The following ARFGEF2 variants were observed in gnomAD, a reference collection of about 807,000 sequenced individuals.
ARFGEF2 encodes the protein ARF guanine nucleotide exchange factor 2.
In ARFGEF2, 74 loss-of-function variants were observed where a neutral mutation model predicts 219.9. That is an observed-to-expected ratio of 0.34 (90% CI 0.28 to 0.41). The LOEUF is 0.41. Among genes scored for constraint, ARFGEF2 ranks in the 10% least tolerant of loss-of-function variants. The probability of loss-of-function intolerance (pLI) is 1.00; values close to 1 mark genes in which losing one functional copy is unlikely to be tolerated. For missense variants in ARFGEF2, 1,743 were observed against 2,218.3 expected (o/e 0.79, Z 4.30); for synonymous variants, 733 against 799.2 (o/e 0.92, Z 1.40).
Position 48,976,059 on chromosome 20 carries a change from C to A in ARFGEF2, c.1818C>A (p.Gly606=). Residue 606 remains glycine, a synonymous_variant, in exon 14 of 39, where the codon GGC becomes GGA. Transcript: ENST00000371917. The stretch of plus-strand genomic sequence containing the variant: ...ATCAGGAAATAGGGGATGGGAAAGG[C>A]CTTGACATGGCAAGACGGTGTAGTG... ...LTDQEIGDGK[G]LDMARRCSVT... The A allele has an allele frequency of 6.2e-7, 1 of 1,612,794 alleles. No individual in the cohort carries two copies. The highest frequency in any genetic ancestry group is 1.1e-5 in the South Asian group (1 of 91,018).
At chr20:48,951,498 T>G (rs779526930) in intron 4 of ARFGEF2, 29 bp downstream of exon 4, 22 of 1,613,936 alleles carry the variant, frequency 1.4e-5, no homozygotes, top group Middle Eastern at 1.6e-4. Context: ...CTGTCTGGTT[T>G]TTAAATTAGA....
At chr20:49,024,782 G>A (rs773460595) in intron 35 of ARFGEF2, among the ~76,000 whole-genome samples, 21 of 152,020 alleles carry the variant, frequency 1.4e-4, no homozygotes, top group Admixed American at 2.0e-4. Context: ...GGCGGATCAC[G>A]AGGTCGAGTC....
chr20:48,942,307 C>T lies in ARFGEF2; in HGVS notation c.276+320C>T, dbSNP rs528782268. ...GGGCACATAAGGCATTTTTATACAG[C>T]CTCTTTTTTATTTTTTCCATTTTGT... On this transcript the variant is annotated intron_variant, in intron 3 of 38. Transcript: ENST00000371917. 2.0e-3 allele frequency among the ~76,000 whole-genome samples: 294 copies of T among 149,234 alleles called. 1 individual carries two copies. The highest frequency in any genetic ancestry group is 3.5e-3 in the Non-Finnish European group (231 of 66,610).
intron 22 of ARFGEF2, 55 bp from the exon 23 acceptor site, chr20:48,995,728 T>C (rs1600641910): frequency 6.8e-7 from 1 of 1,476,286 alleles, no homozygotes; most frequent in East Asian, 2.3e-5. Context: ...GGATGCTTTG[T>C]TCTAAATACT....
intron 35 of ARFGEF2, among the ~76,000 whole-genome samples, chr20:49,024,165 GT>G (rs965408952): frequency 1.3e-5 from 2 of 152,022 alleles, no homozygotes; most frequent in African/African-American, 4.8e-5. Flanking sequence ...TAGAGATGGG[GT>G]TTTGCCATGT....
intron 16 of ARFGEF2, 53 bp downstream of exon 16, chr20:48,985,666 C>G: frequency 4.5e-6 from 7 of 1,571,048 alleles, no homozygotes; most frequent in Non-Finnish European, 6.1e-6. Context: ...TGCCTCAGAA[C>G]GCTAATTCTA....
intron 14 of ARFGEF2, among the ~76,000 whole-genome samples, chr20:48,982,580 C>T (rs1401860662): frequency 6.6e-6 from 1 of 152,176 alleles, no homozygotes; most frequent in Non-Finnish European, 1.5e-5. Flanking sequence ...GCCTTTTGTT[C>T]AGCTATGCCC....
intron 26 of ARFGEF2, among the ~76,000 whole-genome samples, chr20:49,006,219 G>T (rs893179781): frequency 6.6e-6 from 1 of 151,916 alleles, no homozygotes; most frequent in African/African-American, 2.4e-5. Flanking sequence ...GCTTGAACCC[G>T]GGAGGTGGAG....
chr20:48,988,460 T>C (rs774495311), intron 17 of ARFGEF2, 31 bp from the exon 18 acceptor site: 1 of 1,611,014 alleles, frequency 6.2e-7, no homozygotes, highest in South Asian at 1.1e-5. Context: ...TGGATGTTTT[T>C]TAAATGGTTT....
intron 6 of ARFGEF2, among the ~76,000 whole-genome samples, chr20:48,955,935 C>T (rs2091102815): frequency 6.6e-6 from 1 of 152,126 alleles, no homozygotes; most frequent in Admixed American, 6.5e-5. Context: ...AAGACCCCCT[C>T]TCTAAATAAA....
rs1242851225 is a variant in ARFGEF2, at chr20:49,033,136, G to A, written c.5295G>A (p.Val1765=). The A allele has an allele frequency of 3.7e-6, 6 of 1,614,128 alleles. No individual in the cohort carries two copies. The highest frequency in any genetic ancestry group is 4.2e-6 in the Non-Finnish European group (5 of 1,180,046). ...AGTTCTTCCTACGGATAGGTGTTGTGTATAAGATATGGATACCAGAAGAGC... is the reference window on the plus strand; with the variant it reads ...AGTTCTTCCTACGGATAGGTGTTGTATATAAGATATGGATACCAGAAGAGC... ...LRKFFLRIGV[V]YKIWIPEEPS... The change falls in exon 39 of 39, where the codon GTG becomes GTA. Residue 1765 remains valine, a synonymous_variant. Transcript: ENST00000371917.
At position 49,012,089 on chromosome 20, in the gene ARFGEF2, G is replaced by A. The variant is rs775853656; in HGVS notation, c.3918+5G>A. On this transcript the variant is annotated splice_donor_5th_base_variant and intron_variant, in intron 28 of 38. Coordinates refer to ENST00000371917, the MANE Select transcript of ARFGEF2 (RefSeq NM_006420.3). ...TACGTCTCTGAGAGGCCTCGGGTTCGTTTTTCCCCACCTTACTCAGATGGG... is the reference window on the plus strand; with the variant it reads ...TACGTCTCTGAGAGGCCTCGGGTTCATTTTTCCCCACCTTACTCAGATGGG... 2.5e-6 allele frequency: 4 copies of A among 1,614,000 alleles called. No individual in the cohort carries two copies. Among genetic ancestry groups the A allele is most frequent in the Non-Finnish European group, 3.4e-6 (4 of 1,180,034 alleles).
At chr20:48,985,285 A>G in intron 15 of ARFGEF2, 123 bp from the exon 16 acceptor site, 2 of 1,026,824 alleles carry the variant, frequency 1.9e-6, no homozygotes, top group Non-Finnish European at 3.0e-6. Context: ...TAGCTTTTTT[A>G]CCAGTCCAGC....
intron 6 of ARFGEF2, among the ~76,000 whole-genome samples, chr20:48,957,255 T>C (rs1256631168): frequency 1.3e-5 from 2 of 152,192 alleles, no homozygotes; most frequent in Non-Finnish European, 2.9e-5. Flanking sequence ...TCATTGGCTA[T>C]AACTTCATCA....
At chr20:48,940,495 A>C (rs892259917) in intron 1 of ARFGEF2, among the ~76,000 whole-genome samples, 2 of 152,262 alleles carry the variant, frequency 1.3e-5, no homozygotes, top group African/African-American at 4.8e-5. Context: ...TCTTCTATGC[A>C]TATTTGCACA....
chr20:48,980,578 G>A (rs966073306), intron 14 of ARFGEF2, among the ~76,000 whole-genome samples: 15 of 152,150 alleles, frequency 9.9e-5, no homozygotes. Flanking sequence ...TATTGACAGT[G>A]GGGTGTTAAA....
At chr20:48,934,470 A>T (rs535080865) in intron 1 of ARFGEF2, among the ~76,000 whole-genome samples, 5 of 152,166 alleles carry the variant, frequency 3.3e-5, no homozygotes, top group Non-Finnish European at 7.3e-5. Context: ...CCCAGCATGT[A>T]TTAGGTATTT....
At chr20:49,028,405 G>T in intron 36 of ARFGEF2, 125 bp from the exon 37 acceptor site, 1 of 1,087,222 alleles carries the variant, frequency 9.2e-7, no homozygotes. Context: ...AGGTGACAGA[G>T]CAAGACTATC....
intron 16 of ARFGEF2, among the ~76,000 whole-genome samples, chr20:48,985,898 C>G (rs901288486): frequency 6.6e-6 from 1 of 152,176 alleles, no homozygotes; most frequent in Non-Finnish European, 1.5e-5. Flanking sequence ...AGAGTAGTTT[C>G]ATAAGTTGAG....
Sources: allele counts gnomAD v4.1 joint callset (sites outside exome capture counted in the v4.1 genomes callset), GRCh38; gene constraint gnomAD v4.1.1; transcripts MANE v1.5; gene names NCBI Gene and HGNC (gene_info 2026-07-23, HGNC 2026-07-21).